Variants in LRRC4C observed in about 807,000 individuals in gnomAD.
The protein encoded by LRRC4C is leucine-rich repeat-containing protein 4C.
In LRRC4C, 5 loss-of-function variants were observed where a neutral mutation model predicts 33.6. The ratio of observed to expected loss-of-function variants is 0.15; its 90% CI spans 0.08 to 0.31. The LOEUF (loss-of-function observed/expected upper bound fraction) is 0.31. Among genes scored for constraint, LRRC4C ranks in the 10% least tolerant of loss-of-function variants. The pLI, the probability that LRRC4C is intolerant of heterozygous loss-of-function variation, is 1.00. For synonymous variants in LRRC4C, 329 were observed against 302.0 expected, an observed-to-expected ratio of 1.09 and a Z score of -0.93; for missense variants, 560 against 796.7, an observed-to-expected ratio of 0.70 and a Z score of 3.58.
At chr11:41,142,685 A>T (rs2135917917) in intron 1 of LRRC4C, among the ~76,000 whole-genome samples, 1 of 151,742 alleles carries the variant, frequency 6.6e-6, no homozygotes, top group South Asian at 2.1e-4. Flanking sequence ...ACTCTAGATT[A>T]CCTCTGATAA....
chr11:40,881,991 T>C (rs1955201816), intron 2 of LRRC4C, among the ~76,000 whole-genome samples: 1 of 152,128 alleles, frequency 6.6e-6, no homozygotes, highest in Admixed American at 6.6e-5. Context: ...GCAGGTTTTT[T>C]TTCTTATAAA....
At chr11:41,058,977 T>C (rs1259309769) in intron 1 of LRRC4C, among the ~76,000 whole-genome samples, 1 of 152,148 alleles carries the variant, frequency 6.6e-6, no homozygotes, top group Non-Finnish European at 1.5e-5. Context: ...TACTGCATGT[T>C]CTCACTTATA....
At chr11:41,015,858 G>A (rs1038541967) in intron 1 of LRRC4C, among the ~76,000 whole-genome samples, 1 of 152,024 alleles carries the variant, frequency 6.6e-6, no homozygotes, top group Non-Finnish European at 1.5e-5. Context: ...AAATTTATCC[G>A]GGCGTGGTGG....
At chr11:40,480,394 C>T (rs965992462) in intron 3 of LRRC4C, among the ~76,000 whole-genome samples, 1 of 151,294 alleles carries the variant, frequency 6.6e-6, no homozygotes, top group African/African-American at 2.4e-5. Flanking sequence ...AAACAAAATA[C>T]CACATGTTCT....
intron 2 of LRRC4C, among the ~76,000 whole-genome samples, chr11:40,819,576 A>G (rs1951840276): frequency 6.6e-6 from 1 of 152,258 alleles, no homozygotes; most frequent in East Asian, 1.9e-4. Flanking sequence ...GGGAAAATAT[A>G]TTCCTGACTG....
chr11:41,379,985 AAC>A (rs942924877), intron 1 of LRRC4C, among the ~76,000 whole-genome samples: 1 of 151,892 alleles, frequency 6.6e-6, no homozygotes, highest in African/African-American at 2.4e-5. Context: ...CATGCACACA[AAC>A]ACACACACAC....
chr11:40,912,193 G>A (rs1460895071), intron 2 of LRRC4C, among the ~76,000 whole-genome samples: 1 of 152,066 alleles, frequency 6.6e-6, no homozygotes, highest in East Asian at 1.9e-4. Context: ...GAAATACAGA[G>A]AATGCCACAA....
chr11:41,283,315 G>A (rs1189963723), intron 1 of LRRC4C, among the ~76,000 whole-genome samples: 1 of 152,030 alleles, frequency 6.6e-6, no homozygotes, highest in Non-Finnish European at 1.5e-5. Context: ...ATTTATATTA[G>A]GTAAATTTTC....
At chr11:40,921,439 C>T (rs1957173805) in intron 2 of LRRC4C, among the ~76,000 whole-genome samples, 1 of 152,130 alleles carries the variant, frequency 6.6e-6, no homozygotes, top group African/African-American at 2.4e-5. Context: ...CTCAGTCCTA[C>T]AGCTGCAAAG....
intron 3 of LRRC4C, among the ~76,000 whole-genome samples, chr11:40,348,246 A>G (rs1479492129): frequency 6.6e-6 from 1 of 151,450 alleles, no homozygotes; most frequent in East Asian, 2.0e-4. Context: ...TGCTCAATGC[A>G]GAGTTGCTAT....
At chr11:41,226,142 G>A (rs1028862506) in intron 1 of LRRC4C, among the ~76,000 whole-genome samples, 1 of 152,000 alleles carries the variant, frequency 6.6e-6, no homozygotes, top group African/African-American at 2.4e-5. Context: ...GTGGAGTCTT[G>A]GTTCCTGTTT....
chr11:40,431,390 G>T (rs1416960543), intron 3 of LRRC4C, among the ~76,000 whole-genome samples: 2 of 48,616 alleles, frequency 4.1e-5, no homozygotes, highest in Non-Finnish European at 6.9e-5. Context: ...GCGAGACTCT[G>T]TCTCAAAAAA....
At chr11:40,145,565 A>G (rs911979470) in intron 5 of LRRC4C, among the ~76,000 whole-genome samples, 8 of 152,184 alleles carry the variant, frequency 5.3e-5, no homozygotes, top group Admixed American at 1.3e-4. Context: ...TTATCTATTG[A>G]TTACCTATAC....
chr11:41,145,149 A>G (rs1307397043), intron 1 of LRRC4C, among the ~76,000 whole-genome samples: 3 of 152,298 alleles, frequency 2.0e-5, no homozygotes, highest in East Asian at 3.9e-4. Context: ...AAGTTCTATT[A>G]TAGCTTTTTC....
chr11:40,656,598 G>A (rs953414567), intron 2 of LRRC4C, among the ~76,000 whole-genome samples: 1 of 151,994 alleles, frequency 6.6e-6, no homozygotes, highest in African/African-American at 2.4e-5. Flanking sequence ...ACGCTCTCGA[G>A]AGACTTTCCC....
At chr11:40,936,242 T>A (rs1957891574) in intron 1 of LRRC4C, among the ~76,000 whole-genome samples, 1 of 149,760 alleles carries the variant, frequency 6.7e-6, no homozygotes. Context: ...ACATCTAAAT[T>A]AGATAATTTA....
chr11:40,293,802 C>T (rs988267596), intron 4 of LRRC4C: 1 of 152,206 alleles, frequency 6.6e-6, no homozygotes, highest in African/African-American at 2.4e-5. Flanking sequence ...TCTGCTAGTC[C>T]TCTGCGAGGA....
At chr11:40,496,720 C>T (rs1295970213) in intron 3 of LRRC4C, among the ~76,000 whole-genome samples, 4 of 152,034 alleles carry the variant, frequency 2.6e-5, no homozygotes, top group African/African-American at 7.2e-5. Flanking sequence ...GAGATAGAAA[C>T]ATATGGGGAG....
At chr11:40,316,698 G>A (rs1423725219) in intron 4 of LRRC4C, among the ~76,000 whole-genome samples, 2 of 151,892 alleles carry the variant, frequency 1.3e-5, no homozygotes, top group Admixed American at 6.6e-5. Flanking sequence ...AACTTGTTAT[G>A]CATTTATTTA....
Sources: allele counts gnomAD v4.1 joint callset (sites outside exome capture counted in the v4.1 genomes callset), GRCh38; gene constraint gnomAD v4.1.1; transcripts MANE v1.5; gene names NCBI Gene and HGNC (gene_info 2026-07-23, HGNC 2026-07-21).